RIMBP2: variants seen among roughly 807,000 people sequenced by gnomAD.
RIMBP2 encodes the protein RIMS-binding protein 2.
RIMBP2 carries 48 observed loss-of-function variants against 118.6 expected under a neutral mutation model. That is an observed-to-expected ratio of 0.40 (90% CI 0.32 to 0.51). RIMBP2 has a LOEUF of 0.51. Ranked by LOEUF, RIMBP2 falls within the 20% of genes least tolerant of loss-of-function variation. The pLI, the probability that RIMBP2 is intolerant of heterozygous loss-of-function variation, is 0.41. For synonymous variants in RIMBP2, 762 were observed against 742.9 expected, an observed-to-expected ratio of 1.03 and a Z score of -0.42; for missense variants, 1,551 against 1,768.3, an observed-to-expected ratio of 0.88 and a Z score of 2.20.
intron 2 of RIMBP2, among the ~76,000 whole-genome samples, chr12:130,553,472 G>A (rs565648753): frequency 1.3e-5 from 2 of 152,258 alleles, no homozygotes; most frequent in East Asian, 3.9e-4. Context: ...TATAGAATTT[G>A]AATGCTAGGT....
At chr12:130,553,675 T>C (rs1949307) in intron 2 of RIMBP2, among the ~76,000 whole-genome samples, 117,001 of 151,646 alleles carry the variant, frequency 0.77, 45,530 homozygotes, top group Non-Finnish European at 0.83. Context: ...GCCTGGAAGT[T>C]CAAGGCTACA....
chr12:130,677,626 T>A (rs2064556173), intron 1 of RIMBP2, among the ~76,000 whole-genome samples: 1 of 151,654 alleles, frequency 6.6e-6, no homozygotes. Context: ...GAACACTGTC[T>A]CAAAAAAAAC....
rs1304120574 is a variant in RIMBP2 at position 130,456,434 on chromosome 12, C to A, written c.358+62G>T. The A allele has an allele frequency of 8.3e-6, 12 of 1,451,242 alleles. No individual in the cohort carries two copies. In the African/African-American group the frequency reaches 1.6e-4, roughly 19 times the overall value. 89.9% of individuals were successfully genotyped at this position (1,451,242 alleles called of 1,614,324 possible). A position where few individuals can be genotyped will look rare whatever the true frequency, so the allele number is the denominator to read the frequency against. ...AACCGATTTCACCTGTGCACACCCT[C>A]GCAGGCAGCCAACGGCCATTCTCTC... On this transcript the variant is annotated intron_variant, in intron 7 of 22. Transcript: ENST00000690449.
At chr12:130,618,001 G>A (rs1433824841) in intron 2 of RIMBP2, among the ~76,000 whole-genome samples, 2 of 39,750 alleles carry the variant, frequency 5.0e-5, no homozygotes, top group Admixed American at 4.0e-4. Flanking sequence ...AGACCAGCCT[G>A]GGCAACATAG....
At chr12:130,465,710 G>C (rs146412814) in intron 6 of RIMBP2, 1 of 152,216 alleles carries the variant, frequency 6.6e-6, no homozygotes, top group East Asian at 1.9e-4. Context: ...AGAGCCTGGG[G>C]TAAAGCGACT....
intron 1 of RIMBP2, among the ~76,000 whole-genome samples, chr12:130,643,482 A>T (rs537676668): frequency 1.1e-4 from 16 of 152,282 alleles, no homozygotes; most frequent in African/African-American, 3.8e-4. Context: ...ACCCCATGGG[A>T]CTGGGGACAG....
intron 6 of RIMBP2, among the ~76,000 whole-genome samples, chr12:130,464,629 G>C (rs2080296668): frequency 6.6e-6 from 1 of 152,230 alleles, no homozygotes; most frequent in African/African-American, 2.4e-5. Context: ...GACTCAGAGA[G>C]ACCTCCCCGG....
chr12:130,401,108 GATTTT>G (rs2074502236), intron 21 of RIMBP2, among the ~76,000 whole-genome samples: 1 of 151,788 alleles, frequency 6.6e-6, no homozygotes, highest in Non-Finnish European at 1.5e-5. Context: ...ACTTAAAAAT[GATTTT>G]ATATCTTTTT....
At position 130,414,276 on chromosome 12, in the gene RIMBP2, T is replaced by A; in HGVS notation, c.3269A>T (p.Asp1090Val). 1.2e-6 allele frequency: 2 copies of A among 1,606,530 alleles called. No individual in the cohort carries two copies. The highest frequency in any genetic ancestry group is 1.7e-6 in the Non-Finnish European group (2 of 1,175,412). ...GTCAGTTTCTGACTCTTCATAGAAG[T>A]CTGGAGAAAGGCGGTCTCGCCCGTA... ...DDYGRDRLSP[D>V]FYEESETDPG... The change falls in exon 18 of 23, where the codon GAC becomes GTC. Residue 1090 changes from aspartate (D) to valine (V), a missense_variant. Physicochemically the swap from Asp to Val is radical, Grantham distance 152. This residue lies in a region of RIMBP2 where 1,038 missense variants were observed against 1,125.1 expected (regional missense o/e 0.92). Coordinates refer to ENST00000690449, the MANE Select transcript of RIMBP2 (RefSeq NM_001393629.1).
chr12:130,550,798 T>C (rs527575199), intron 2 of RIMBP2, among the ~76,000 whole-genome samples: 1 of 152,368 alleles, frequency 6.6e-6, no homozygotes, highest in East Asian at 1.9e-4. Context: ...AGGTAATCTC[T>C]GTCCTCAGGG....
chr12:130,486,428 G>C (rs986637020), intron 4 of RIMBP2, among the ~76,000 whole-genome samples: 3 of 151,934 alleles, frequency 2.0e-5, no homozygotes, highest in African/African-American at 7.3e-5. Context: ...GGTTTTAATT[G>C]CCACATAATT....
chr12:130,675,672 T>G (rs1313246511), intron 1 of RIMBP2, among the ~76,000 whole-genome samples: 1 of 152,144 alleles, frequency 6.6e-6, no homozygotes, highest in African/African-American at 2.4e-5. Flanking sequence ...GGTTTCAGCT[T>G]TATACAAAGA....
Position 130,523,495 on chromosome 12 carries a change from C to T in RIMBP2, c.-216-5578G>A, listed in dbSNP as rs1203197218. On this transcript the variant is annotated intron_variant, in intron 2 of 22. Transcript: ENST00000690449. The surrounding 1 kb of genome is among the most constrained non-coding windows in gnomAD (Gnocchi z 4.4). Reference sequence around the variant, plus strand: ...GCCTTCACAGTGTCTCCCGAGGCAGCTCAAGGGCTCGTCAAGGAAGAAACT... The same window carrying T: ...GCCTTCACAGTGTCTCCCGAGGCAGTTCAAGGGCTCGTCAAGGAAGAAACT... Among the ~76,000 whole-genome samples, 3 of 152,224 alleles carry T rather than the reference C, an allele frequency of 2.0e-5. No homozygotes were observed. The highest frequency in any genetic ancestry group is 4.4e-5 in the Non-Finnish European group (3 of 68,040).
At chr12:130,585,170 G>C (rs58601362) in intron 2 of RIMBP2, among the ~76,000 whole-genome samples, 1 of 152,136 alleles carries the variant, frequency 6.6e-6, no homozygotes, top group East Asian at 1.9e-4. Flanking sequence ...GTTAACAGGC[G>C]TGAGCCACTG....
At chr12:130,515,033 C>G (rs948257367) in intron 3 of RIMBP2, among the ~76,000 whole-genome samples, 3 of 152,062 alleles carry the variant, frequency 2.0e-5, no homozygotes, top group Non-Finnish European at 4.4e-5. Context: ...CCGGCCACCA[C>G]GCCCGGCTAA....
intron 1 of RIMBP2, among the ~76,000 whole-genome samples, chr12:130,709,005 T>G (rs1285092190): frequency 6.6e-6 from 1 of 152,232 alleles, no homozygotes; most frequent in African/African-American, 2.4e-5. Context: ...AAAATGGGTC[T>G]ACATGAGCAA....
In RIMBP2 at chr12:130,578,164, T is replaced by C. The variant is rs755983215; in HGVS notation, c.-217+50158A>G. Among the ~76,000 whole-genome samples, 8 of 152,188 alleles carry C rather than the reference T, an allele frequency of 5.3e-5. No homozygotes were observed. The highest frequency in any genetic ancestry group is 1.0e-4 in the Non-Finnish European group (7 of 68,034). On this transcript the variant is annotated intron_variant, in intron 2 of 22. Transcript: ENST00000690449. The surrounding 1 kb of genome is among the most constrained non-coding windows in gnomAD (Gnocchi z 4.1). Reference sequence around the variant, plus strand: ...AGAGATTCCAGGAAAGTAAAGGTAGTGCAGGCTTGGAAGCTGATGAGGAGG... The same window carrying C: ...AGAGATTCCAGGAAAGTAAAGGTAGCGCAGGCTTGGAAGCTGATGAGGAGG...
At chr12:130,474,355 C>T (rs547646353) in intron 5 of RIMBP2, among the ~76,000 whole-genome samples, 1 of 152,340 alleles carries the variant, frequency 6.6e-6, no homozygotes, top group East Asian at 1.9e-4. Context: ...GACCCTACTG[C>T]CCCGACTGAC....
intron 2 of RIMBP2, among the ~76,000 whole-genome samples, chr12:130,575,465 G>A (rs1401114779): frequency 6.6e-6 from 1 of 152,026 alleles, no homozygotes; most frequent in Non-Finnish European, 1.5e-5. Context: ...TTCCATCAAA[G>A]TAAAGCCAAG....
Sources: allele counts gnomAD v4.1 joint callset (sites outside exome capture counted in the v4.1 genomes callset), GRCh38; gene constraint gnomAD v4.1.1; regional missense constraint gnomAD v4.1.1; non-coding constraint Gnocchi (gnomAD v3.1); transcripts MANE v1.5; gene names NCBI Gene and HGNC (gene_info 2026-07-23, HGNC 2026-07-21).